RNLS: variants seen among roughly 807,000 people sequenced by gnomAD.
The protein encoded by RNLS is renalase, FAD dependent amine oxidase.
Under a neutral mutation model 39.8 loss-of-function variants are expected in RNLS, and 39 were observed. The observed-to-expected ratio is 0.98, with a 90% CI of 0.76 to 1.28. RNLS has a LOEUF of 1.28. Among genes scored for constraint, RNLS ranks in the 50% most tolerant of loss-of-function variants. The probability of loss-of-function intolerance (pLI) is 0.00; values close to 1 mark genes in which losing one functional copy is unlikely to be tolerated. For missense variants in RNLS, 410 were observed against 413.3 expected (o/e 0.99, Z 0.07); for synonymous variants, 147 against 150.7 (o/e 0.98, Z 0.18).
chr10:88,288,835 T>G (rs566555255), intron 6 of RNLS, among the ~76,000 whole-genome samples: 1 of 152,268 alleles, frequency 6.6e-6, no homozygotes, highest in South Asian at 2.1e-4. Flanking sequence ...GAGGAAAATA[T>G]GAAAACATGG....
chr10:88,505,096 T>G (rs920841688), intron 4 of RNLS, among the ~76,000 whole-genome samples: 5 of 151,852 alleles, frequency 3.3e-5, no homozygotes, highest in Admixed American at 6.6e-5. Flanking sequence ...ACCCAGATAT[T>G]GGCTTCTAAA....
rs1173669323 is a variant in RNLS at position 88,582,304 on chromosome 10, C to A, written c.122G>T (p.Gly41Val). The A allele has an allele frequency of 6.2e-7, 1 of 1,612,204 alleles. No individual in the cohort carries two copies. ...AGGACTGCAGGCTGTAGTCATTCTT[C>A]CCCCTTGAATTAATCCACAGGAAAA... ...AVWDKAEDSG[G>V]RMTTACSPHN... Residue 41 changes from glycine to valine, a missense_variant, in exon 2 of 7, where the codon GGA becomes GTA. By Grantham distance (109) the Gly-to-Val change is moderately radical (BLOSUM62 -3). Coordinates refer to ENST00000331772, the MANE Select transcript of RNLS (RefSeq NM_001031709.3).
chr10:88,258,973 C>T, the RNLS span, among the ~76,000 whole-genome samples: 4 of 152,168 alleles, frequency 2.6e-5, no homozygotes, highest in South Asian at 2.1e-4. Flanking sequence ...AAGAGCATTC[C>T]GGATGCCCTG....
chr10:88,303,583 A>G (rs897754652), intron 6 of RNLS, among the ~76,000 whole-genome samples: 1 of 152,134 alleles, frequency 6.6e-6, no homozygotes. Context: ...GCCCATGGCA[A>G]CTGTCCACAT....
At chr10:88,531,622 T>C (rs575381342) in intron 4 of RNLS, among the ~76,000 whole-genome samples, 2 of 152,202 alleles carry the variant, frequency 1.3e-5, no homozygotes, top group Admixed American at 6.5e-5. Context: ...TCTGGATTTT[T>C]GCCACCTTTA....
At chr10:88,489,944 G>A (rs896687883) in intron 4 of RNLS, among the ~76,000 whole-genome samples, 2 of 152,152 alleles carry the variant, frequency 1.3e-5, no homozygotes, top group Non-Finnish European at 2.9e-5. Context: ...CTAGAGATGA[G>A]ATATTGCTAG....
chr10:88,255,891 A>G, the RNLS span, among the ~76,000 whole-genome samples: 3 of 152,234 alleles, frequency 2.0e-5, no homozygotes, highest in South Asian at 6.2e-4. Flanking sequence ...GAGGGAAAGC[A>G]GCCCTGTGAG....
chr10:88,318,320 T>G (rs1182406622), intron 5 of RNLS, among the ~76,000 whole-genome samples: 1 of 152,120 alleles, frequency 6.6e-6, no homozygotes, highest in Non-Finnish European at 1.5e-5. Flanking sequence ...AAGTCTCCCT[T>G]GGGACAAAGG....
chr10:88,173,965 A>G, the RNLS span, among the ~76,000 whole-genome samples: 1 of 151,150 alleles, frequency 6.6e-6, no homozygotes, highest in African/African-American at 2.4e-5. Context: ...GAGATCTTTA[A>G]CCTGTTCAGA....
intron 6 of RNLS, chr10:88,309,282 A>T (rs1845175412): frequency 2.9e-6 from 2 of 691,208 alleles, no homozygotes; most frequent in Non-Finnish European, 4.2e-6. Context: ...TAAAAGTTAA[A>T]AAATAAGGAA....
chr10:88,310,177 C>T (rs1437917314), intron 6 of RNLS, among the ~76,000 whole-genome samples: 1 of 152,166 alleles, frequency 6.6e-6, no homozygotes, highest in East Asian at 1.9e-4. Flanking sequence ...ATAACCACTG[C>T]ACTCCAGCCT....
the RNLS span, among the ~76,000 whole-genome samples, chr10:88,239,093 G>A: frequency 1.4e-4 from 21 of 152,008 alleles, no homozygotes; most frequent in Admixed American, 3.9e-4. Flanking sequence ...AAATATCAAC[G>A]AATTGCTTAA....
intron 4 of RNLS, among the ~76,000 whole-genome samples, chr10:88,464,656 G>A (rs753564786): frequency 9.9e-5 from 15 of 152,022 alleles, no homozygotes; most frequent in Non-Finnish European, 1.9e-4. Context: ...AAATTATGAG[G>A]TTCTGAAAAA....
the RNLS span, among the ~76,000 whole-genome samples, chr10:88,250,843 G>A: frequency 5.9e-5 from 9 of 152,224 alleles, no homozygotes; most frequent in African/African-American, 1.2e-4. Context: ...AATATAATTC[G>A]TGAAAGAGGC....
chr10:88,499,219 C>T (rs928332412), intron 4 of RNLS, among the ~76,000 whole-genome samples: 14 of 152,144 alleles, frequency 9.2e-5, no homozygotes. Flanking sequence ...CTCTGCCCAA[C>T]ACAGTATTCT....
intron 4 of RNLS, among the ~76,000 whole-genome samples, chr10:88,462,683 G>A (rs1842991861): frequency 6.6e-6 from 1 of 151,970 alleles, no homozygotes; most frequent in South Asian, 2.1e-4. Flanking sequence ...TGGAAGCAGA[G>A]AAAAGGGAAT....
At chr10:88,491,953 T>C (rs1160762767) in intron 4 of RNLS, among the ~76,000 whole-genome samples, 1 of 148,994 alleles carries the variant, frequency 6.7e-6, no homozygotes, top group Non-Finnish European at 1.5e-5. Context: ...AGAAAAAGAG[T>C]TTTGTTTTTT....
chr10:88,440,785 G>A (rs1841668015), intron 4 of RNLS, among the ~76,000 whole-genome samples: 1 of 152,212 alleles, frequency 6.6e-6, no homozygotes, highest in Non-Finnish European at 1.5e-5. Context: ...TAGACCAGTT[G>A]CAGTCACTAC....
chr10:88,440,958 G>A lies in RNLS; in HGVS notation c.527-78233C>T, dbSNP rs80162067. Among the ~76,000 whole-genome samples, 385 of 152,242 alleles carry A rather than the reference G, an allele frequency of 2.5e-3. 2 individuals are homozygous for A. The highest frequency in any genetic ancestry group is 8.7e-3 in the African/African-American group (362 of 41,544). On this transcript the variant is annotated intron_variant, in intron 4 of 6. Coordinates refer to ENST00000331772, the MANE Select transcript of RNLS (RefSeq NM_001031709.3). ...ATGGAAGGGAATCATCAGTGTACAC[G>A]ATCTAAGGGTGACAATTCTTCAAAT...
Sources: gnomAD v4.1 joint callset for allele counts (sites outside exome capture counted in the v4.1 genomes callset) on GRCh38, gnomAD v4.1.1 for gene constraint, MANE v1.5 for transcripts, NCBI Gene and HGNC (gene_info 2026-07-23, HGNC 2026-07-21) for gene names.